FAM193A: variants seen among roughly 807,000 people sequenced by gnomAD.
FAM193A encodes family with sequence similarity 193 member A.
A neutral mutation model predicts 126.5 loss-of-function variants in FAM193A; 22 were observed. The observed-to-expected ratio is 0.17, with a 90% CI of 0.12 to 0.25. The LOEUF (loss-of-function observed/expected upper bound fraction) is 0.25. FAM193A is among the 10% of genes least tolerant of loss of function. The probability of loss-of-function intolerance (pLI) is 1.00; values close to 1 mark genes in which losing one functional copy is unlikely to be tolerated. For synonymous variants in FAM193A, 761 were observed against 646.8 expected (o/e 1.18, Z -2.68); for missense variants, 1,675 against 1,672.8 (o/e 1.00, Z -0.02).
At chr4:2,616,855 C>G (rs1742219011) in intron 2 of FAM193A, among the ~76,000 whole-genome samples, 1 of 150,056 alleles carries the variant, frequency 6.7e-6, no homozygotes, top group South Asian at 2.1e-4. Flanking sequence ...TGTGAGCCAC[C>G]ACGCCTGCCC....
chr4:2,540,596 C>T (rs578204072), intron 1 of FAM193A, among the ~76,000 whole-genome samples: 3 of 152,098 alleles, frequency 2.0e-5, no homozygotes, highest in South Asian at 4.2e-4. Context: ...TGCAGTGAGC[C>T]GAGATGGCGC....
chr4:2,689,303 A>C (rs1716093605), intron 13 of FAM193A, among the ~76,000 whole-genome samples: 2 of 152,200 alleles, frequency 1.3e-5, no homozygotes, highest in African/African-American at 4.8e-5. Context: ...TCATATCTAC[A>C]TCTGGTTGAA....
intron 1 of FAM193A, among the ~76,000 whole-genome samples, chr4:2,585,178 G>A (rs1740166783): frequency 6.6e-6 from 1 of 152,156 alleles, no homozygotes; most frequent in African/African-American, 2.4e-5. Flanking sequence ...TTTGGGACTG[G>A]CATGAATACT....
At chr4:2,576,285 A>C (rs964900207) in intron 1 of FAM193A, among the ~76,000 whole-genome samples, 1 of 151,974 alleles carries the variant, frequency 6.6e-6, no homozygotes, top group Admixed American at 6.6e-5. Context: ...ATTTTAGTGG[A>C]GACGGGGTTT....
intron 1 of FAM193A, among the ~76,000 whole-genome samples, chr4:2,558,729 A>C (rs1470551144): frequency 6.6e-6 from 1 of 152,068 alleles, no homozygotes; most frequent in Non-Finnish European, 1.5e-5. Context: ...GGCTGGGTGC[A>C]GTGGCTCACG....
intron 7 of FAM193A, among the ~76,000 whole-genome samples, chr4:2,652,399 A>G (rs545907319): frequency 1.3e-5 from 2 of 152,218 alleles, no homozygotes; most frequent in East Asian, 3.8e-4. Context: ...TTGCATTGCT[A>G]TAAAGAAATA....
intron 13 of FAM193A, among the ~76,000 whole-genome samples, chr4:2,682,770 C>G (rs1342400350): frequency 6.6e-6 from 1 of 152,196 alleles, no homozygotes; most frequent in Non-Finnish European, 1.5e-5. Context: ...TAACATTTAA[C>G]AGATTACTCC....
rs764661497 is a variant in FAM193A, at chr4:2,659,967, C to A, written c.1658C>A (p.Ala553Glu). 2 of 1,614,212 alleles carry A rather than the reference C, an allele frequency of 1.2e-6. No homozygotes were observed. Among genetic ancestry groups the A allele is most frequent in the Non-Finnish European group, 1.7e-6 (2 of 1,180,046 alleles). The change falls in exon 10 of 21, where the codon GCA (alanine) becomes GAA (glutamate). Residue 553 changes from alanine to glutamate, a missense_variant. This residue lies in a region of FAM193A where 1,186 missense variants were observed against 1,109.2 expected (regional missense o/e 1.07). Coordinates refer to ENST00000637812, the MANE Select transcript of FAM193A (RefSeq NM_001366318.2). ...AERSPPSVSS[A>E]SSGSGSSSPI... ...AGGAGCCCGCCCAGTGTGTCATCTGCAAGCTCGGGGTCCGGCTCCAGCTCT... is the reference window on the plus strand; with the variant it reads ...AGGAGCCCGCCCAGTGTGTCATCTGAAAGCTCGGGGTCCGGCTCCAGCTCT...
chr4:2,726,121 G>A (rs560392877), intron 20 of FAM193A, among the ~76,000 whole-genome samples: 4 of 151,860 alleles, frequency 2.6e-5, no homozygotes, highest in East Asian at 1.9e-4. Flanking sequence ...GGATGGTCTC[G>A]ATCTCCCGAC....
At chr4:2,694,425 T>C (rs1221569582) in intron 16 of FAM193A, among the ~76,000 whole-genome samples, 17 of 151,962 alleles carry the variant, frequency 1.1e-4, no homozygotes, top group Non-Finnish European at 1.5e-5. Flanking sequence ...TACGCCACCA[T>C]GCCTGGCTAA....
chr4:2,699,703 A>G lies in FAM193A; in HGVS notation c.3531A>G (p.Glu1177=), dbSNP rs1479897568. The G allele has an allele frequency of 1.2e-6, 2 of 1,606,598 alleles. No individual in the cohort carries two copies. The highest frequency in any genetic ancestry group is 2.7e-5 in the African/African-American group (2 of 74,464). ...AGCTGGAGGAGAAAGCTCGCCTAGA[A>G]GCAGAGGCCAGGGCCCGGGAGCACC... ...QRKLEEKARL[E]AEARAREHLH... Residue 1177 remains glutamate (E), a synonymous_variant, in exon 19 of 21, where the codon GAA becomes GAG. Transcript: ENST00000637812.
At chr4:2,703,334 C>A (rs1452588391) in intron 19 of FAM193A, among the ~76,000 whole-genome samples, 1 of 152,092 alleles carries the variant, frequency 6.6e-6, no homozygotes, top group Non-Finnish European at 1.5e-5. Context: ...GCATCCTCCA[C>A]CCCCCAGGTT....
intron 2 of FAM193A, among the ~76,000 whole-genome samples, chr4:2,602,272 T>G (rs1260882737): frequency 6.6e-6 from 1 of 151,848 alleles, no homozygotes; most frequent in Non-Finnish European, 1.5e-5. Context: ...TTCCTCTGGC[T>G]CTCTCTCTTT....
At chr4:2,701,970 C>T (rs941720343) in intron 19 of FAM193A, among the ~76,000 whole-genome samples, 1 of 152,058 alleles carries the variant, frequency 6.6e-6, no homozygotes, top group Admixed American at 6.6e-5. Flanking sequence ...TGGGATTTCA[C>T]CTTGTTGGTC....
At chr4:2,657,244 C>T (rs1325587609) in intron 7 of FAM193A, among the ~76,000 whole-genome samples, 1 of 151,966 alleles carries the variant, frequency 6.6e-6, no homozygotes, top group Non-Finnish European at 1.5e-5. Flanking sequence ...TTACCTTTTT[C>T]CCCCTTTTTC....
Position 2,728,896 on chromosome 4 carries a change from C to CTTTTTTT in FAM193A, c.4455-2859_4455-2853dup, listed in dbSNP as rs34029424. Among the ~76,000 whole-genome samples the CTTTTTTT allele has an allele frequency of 1.3e-4, 13 of 97,142 alleles. 2 individuals are homozygous for CTTTTTTT. The highest frequency in any genetic ancestry group is 6.2e-4 in the African/African-American group (12 of 19,294). The allele number at this position is 97,142 out of a possible 152,430, so 63.7% of individuals were successfully genotyped here. A position where few individuals can be genotyped will look rare whatever the true frequency, so the allele number is the denominator to read the frequency against. On this transcript the variant is annotated intron_variant, in intron 20 of 20. Transcript: ENST00000637812. ...AAGCAAATATGTTCCACCTCCAAAA[C>CTTTTTTT]TTTTTTTTTTTTTTTTTTTTTTTTT...
At chr4:2,592,706 G>A (rs1383790653) in intron 1 of FAM193A, among the ~76,000 whole-genome samples, 2 of 152,200 alleles carry the variant, frequency 1.3e-5, no homozygotes, top group Admixed American at 6.5e-5. Context: ...AGACTTTGGG[G>A]AGGCCAAAGT....
At chr4:2,724,785 A>C (rs1386489038) in intron 20 of FAM193A, among the ~76,000 whole-genome samples, 1 of 152,238 alleles carries the variant, frequency 6.6e-6, no homozygotes, top group Admixed American at 6.5e-5. Flanking sequence ...AATCATGTCA[A>C]CAAACAGAAA....
At chr4:2,622,996 G>C (rs1044007308) in intron 2 of FAM193A, among the ~76,000 whole-genome samples, 3 of 152,076 alleles carry the variant, frequency 2.0e-5, no homozygotes, top group African/African-American at 7.2e-5. Context: ...GAAACTGTGT[G>C]ACACAACCAG....
Sources: gnomAD v4.1 joint callset for allele counts (sites outside exome capture counted in the v4.1 genomes callset) on GRCh38, gnomAD v4.1.1 for gene constraint, gnomAD v4.1.1 regional missense constraint, MANE v1.5 for transcripts, NCBI Gene and HGNC (gene_info 2026-07-23, HGNC 2026-07-21) for gene names.